The following GDPD5 variants were observed in gnomAD, a reference collection of about 807,000 sequenced individuals.
GDPD5 encodes glycerophosphodiester phosphodiesterase 2.
GDPD5 carries 48 observed loss-of-function variants against 75.1 expected under a neutral mutation model. That is an observed-to-expected ratio of 0.64 (90% CI 0.51 to 0.81). The LOEUF (loss-of-function observed/expected upper bound fraction) is 0.81. Ranked by LOEUF, GDPD5 falls within the 40% of genes least tolerant of loss-of-function variation. GDPD5 has a pLI of 0.00. For synonymous variants in GDPD5, 336 were observed against 339.0 expected, an observed-to-expected ratio of 0.99 and a Z score of 0.10; for missense variants, 706 against 822.6, an observed-to-expected ratio of 0.86 and a Z score of 1.73.
Position 75,443,158 on chromosome 11 carries a change from T to G in GDPD5, c.926A>C (p.Asn309Thr). Residue 309 changes from asparagine (N) to threonine (T), a missense_variant, in exon 11 of 17, where the codon AAC (asparagine) becomes ACC (threonine). Transcript: ENST00000336898. ...MLNWTTLQRLNAGQWFLKTDP... is the reference protein window; with the variant it reads ...MLNWTTLQRLTAGQWFLKTDP... ...GACCTTCAGGAACCACTGGCCAGCG[T>G]TGAGTCTCTGCAGGGTGGTCCAGTT... 6.2e-7 allele frequency: 1 copy of G among 1,604,502 alleles called. No homozygotes were observed. The highest frequency in any genetic ancestry group is 2.2e-5 in the East Asian group (1 of 44,562).
chr11:75,486,981 C>T (rs1214841816), intron 2 of GDPD5, among the ~76,000 whole-genome samples: 1 of 152,164 alleles, frequency 6.6e-6, no homozygotes, highest in South Asian at 2.1e-4. Flanking sequence ...CCAAGTGGAC[C>T]GTTTCCCAAA....
intron 3 of GDPD5, among the ~76,000 whole-genome samples, chr11:75,471,781 G>A (rs915701374): frequency 6.6e-6 from 1 of 152,190 alleles, no homozygotes; most frequent in Admixed American, 6.5e-5. Context: ...TCCAAGAGGA[G>A]CTAGGCAGGG....
At chr11:75,505,995 G>C (rs1950390041) in intron 1 of GDPD5, among the ~76,000 whole-genome samples, 1 of 152,178 alleles carries the variant, frequency 6.6e-6, no homozygotes, top group Non-Finnish European at 1.5e-5. Flanking sequence ...GGGCGGGGCA[G>C]TCCTTGGTTC....
At chr11:75,459,548 C>T (rs915232427) in intron 4 of GDPD5, among the ~76,000 whole-genome samples, 19 of 152,174 alleles carry the variant, frequency 1.2e-4, no homozygotes, top group Middle Eastern at 3.4e-3. Context: ...TCCGGCTGGG[C>T]GCGGTGGCTC....
intron 11 of GDPD5, 148 bp from the exon 12 acceptor site, chr11:75,442,729 G>C (rs372252128): frequency 2.9e-6 from 2 of 686,926 alleles, no homozygotes; most frequent in Non-Finnish European, 4.9e-6. Flanking sequence ...TGTGGAGGCT[G>C]TAGGAGGCCC....
intron 1 of GDPD5, among the ~76,000 whole-genome samples, chr11:75,514,020 CG>C (rs1265619258): frequency 1.3e-5 from 2 of 152,182 alleles, no homozygotes. Context: ...GGGATGAAAG[CG>C]GATCTCATGT....
At chr11:75,475,180 G>A (rs867009139) in intron 3 of GDPD5, among the ~76,000 whole-genome samples, 1 of 152,190 alleles carries the variant, frequency 6.6e-6, no homozygotes, top group African/African-American at 2.4e-5. Context: ...AAAATGCCTC[G>A]TGACTCTCCC....
At chr11:75,463,292 C>A (rs1167919998) in intron 3 of GDPD5, among the ~76,000 whole-genome samples, 1 of 152,222 alleles carries the variant, frequency 6.6e-6, no homozygotes, top group Non-Finnish European at 1.5e-5. Context: ...CCACCTCTAC[C>A]CCGTGCTACC....
chr11:75,449,309 A>G (rs471857), intron 8 of GDPD5, among the ~76,000 whole-genome samples, 187 bp from the exon 9 acceptor site: 85,752 of 152,066 alleles, frequency 0.56, 25,149 homozygotes, highest in East Asian at 0.8. Flanking sequence ...AGAGAGAGAC[A>G]TGGAGGAGGA....
At chr11:75,444,716 G>C (rs1216720550) in intron 9 of GDPD5, among the ~76,000 whole-genome samples, 1 of 152,168 alleles carries the variant, frequency 6.6e-6, no homozygotes, top group African/African-American at 2.4e-5. Flanking sequence ...ACTGGGGGCG[G>C]GGGAGGCAGG....
chr11:75,493,616 G>C (rs149133051), intron 1 of GDPD5, among the ~76,000 whole-genome samples: 1 of 152,208 alleles, frequency 6.6e-6, no homozygotes, highest in African/African-American at 2.4e-5. Context: ...AAGATGCTGT[G>C]AAGGTCTATG....
Position 75,456,828 on chromosome 11 carries a change from C to A in GDPD5, c.316-12G>T, listed in dbSNP as rs185841398. 4 of 1,613,810 alleles carry A rather than the reference C, an allele frequency of 2.5e-6. No individual in the cohort carries two copies. In the Admixed American group the frequency reaches 5.0e-5, roughly 20 times the overall value. On this transcript the variant is annotated splice_polypyrimidine_tract_variant and intron_variant, in intron 5 of 16. Coordinates refer to ENST00000336898, the MANE Select transcript of GDPD5 (RefSeq NM_030792.8). The stretch of plus-strand genomic sequence containing the variant: ...CATAGTGCCAGGACCTGAGGAGGGA[C>A]CCACAGGGTGATTGTCAGGCCCGTG...
intron 4 of GDPD5, among the ~76,000 whole-genome samples, chr11:75,462,214 C>G (rs926142489): frequency 2.0e-5 from 3 of 152,158 alleles, no homozygotes; most frequent in African/African-American, 7.2e-5. Context: ...CCTGGCCCAG[C>G]CTTATGTTCC....
intron 4 of GDPD5, among the ~76,000 whole-genome samples, chr11:75,461,899 C>T (rs1163357989): frequency 6.6e-6 from 1 of 152,190 alleles, no homozygotes; most frequent in Non-Finnish European, 1.5e-5. Context: ...TGGGTCCTTG[C>T]CCTCCTCCCA....
intron 2 of GDPD5, among the ~76,000 whole-genome samples, chr11:75,481,494 T>C (rs61897410): frequency 0.056 from 8,489 of 152,220 alleles, 349 homozygotes; most frequent in East Asian, 0.14. Context: ...GTGCAGCTGC[T>C]GGGGCTTCCC....
chr11:75,437,045 C>G lies in GDPD5; in HGVS notation c.1560G>C (p.Trp520Cys), dbSNP rs753496541. The stretch of plus-strand genomic sequence containing the variant: ...TGTAGCTCCGTATGCCACCCAGGCG[C>G]CACCTGCAGAGATGGCCCCGTGGGC... Reference protein sequence around the residue: ...LIVGIFVLQKWRLGGIRSYNP... With the variant: ...LIVGIFVLQKCRLGGIRSYNP... The change falls in exon 16 of 17, where the codon TGG becomes TGC. Residue 520 changes from tryptophan to cysteine, a missense_variant. Coordinates refer to ENST00000336898, the MANE Select transcript of GDPD5 (RefSeq NM_030792.8). The G allele has an allele frequency of 1.2e-6, 2 of 1,612,784 alleles. No homozygotes were observed. The highest frequency in any genetic ancestry group is 4.5e-5 in the East Asian group (2 of 44,872).
chr11:75,478,886 C>A (rs190437514), intron 2 of GDPD5, among the ~76,000 whole-genome samples: 46 of 152,346 alleles, frequency 3.0e-4, no homozygotes, highest in Middle Eastern at 3.4e-3. Context: ...GAACAAGGAG[C>A]AATGCCTGGC....
At chr11:75,495,348 C>T (rs1445413380) in intron 1 of GDPD5, among the ~76,000 whole-genome samples, 1 of 150,910 alleles carries the variant, frequency 6.6e-6, no homozygotes, top group Non-Finnish European at 1.5e-5. Flanking sequence ...CAATATAATC[C>T]TAGCTACTCA....
intron 9 of GDPD5, among the ~76,000 whole-genome samples, chr11:75,447,103 G>A (rs1359766012): frequency 1.3e-5 from 2 of 152,054 alleles, no homozygotes; most frequent in Non-Finnish European, 2.9e-5. Flanking sequence ...GGCTGGTCTC[G>A]AACTCCTGAC....
Sources: gnomAD v4.1 joint callset for allele counts (sites outside exome capture counted in the v4.1 genomes callset) on GRCh38, gnomAD v4.1.1 for gene constraint, MANE v1.5 for transcripts, NCBI Gene and HGNC (gene_info 2026-07-23, HGNC 2026-07-21) for gene names.